The following ASXL2 variants were observed in gnomAD, a reference collection of about 807,000 sequenced individuals.
The protein encoded by ASXL2 is ASXL transcriptional regulator 2, also known as putative Polycomb group protein ASXL2.
ASXL2 carries 23 observed loss-of-function variants against 122.0 expected under a neutral mutation model. The ratio of observed to expected loss-of-function variants is 0.19; its 90% CI spans 0.14 to 0.27. The LOEUF is 0.27. Among genes scored for constraint, ASXL2 ranks in the 10% least tolerant of loss-of-function variants. The probability of loss-of-function intolerance (pLI) is 1.00; values close to 1 mark genes in which losing one functional copy is unlikely to be tolerated. For synonymous variants in ASXL2, 650 were observed against 637.0 expected, an observed-to-expected ratio of 1.02 and a Z score of -0.31; for missense variants, 1,518 against 1,713.8, an observed-to-expected ratio of 0.89 and a Z score of 2.02.
intron 4 of ASXL2, among the ~76,000 whole-genome samples, chr2:25,802,849 G>A (rs1180871788): frequency 6.6e-6 from 1 of 152,118 alleles, no homozygotes; most frequent in Non-Finnish European, 1.5e-5. Flanking sequence ...AGCTGATCAC[G>A]GCTGGGTGCG....
At chr2:25,852,507 T>C (rs755219020) in intron 1 of ASXL2, among the ~76,000 whole-genome samples, 5 of 152,218 alleles carry the variant, frequency 3.3e-5, no homozygotes, top group Non-Finnish European at 5.9e-5. Flanking sequence ...TCCAAATAAG[T>C]AACACAGTGA....
At chr2:25,773,558 C>T (rs928558260) in intron 5 of ASXL2, among the ~76,000 whole-genome samples, 1 of 150,200 alleles carries the variant, frequency 6.7e-6, no homozygotes, top group Non-Finnish European at 1.5e-5. Context: ...CCCAGCTACT[C>T]AGGAGACTGA....
intron 5 of ASXL2, among the ~76,000 whole-genome samples, chr2:25,772,808 C>T (rs967090632): frequency 6.7e-6 from 1 of 148,990 alleles, no homozygotes; most frequent in African/African-American, 2.5e-5. Context: ...AGAAGCATAG[C>T]TCATTGGAGT....
rs1022937213 is a variant in ASXL2, at chr2:25,787,069, T to C, written c.403+12316A>G. 2.0e-5 allele frequency among the ~76,000 whole-genome samples: 3 copies of C among 152,110 alleles called. No individual in the cohort carries two copies. The East Asian group carries it at 5.8e-4, about 29-fold the overall frequency. On this transcript the variant is annotated intron_variant, in intron 5 of 12. Transcript: ENST00000435504. ...TCATAAAACTATGTATAAACTAATA[T>C]ATTTTAAAAATTAATTTTGCAATGT... is the stretch of plus-strand genomic sequence containing the variant.
chr2:25,828,515 A>AG (rs2089405959), intron 3 of ASXL2, among the ~76,000 whole-genome samples: 1 of 147,996 alleles, frequency 6.8e-6, no homozygotes, highest in Admixed American at 6.7e-5. Flanking sequence ...TTTCAAAAAA[A>AG]AAAAATAAAA....
At chr2:25,815,099 T>C (rs1319650302) in intron 3 of ASXL2, among the ~76,000 whole-genome samples, 2 of 152,174 alleles carry the variant, frequency 1.3e-5, no homozygotes, top group Admixed American at 6.5e-5. Flanking sequence ...TCTCAAGTGA[T>C]AGGAATCTCA....
intron 5 of ASXL2, among the ~76,000 whole-genome samples, chr2:25,782,397 T>G (rs2088658729): frequency 6.6e-6 from 1 of 151,676 alleles, no homozygotes; most frequent in Non-Finnish European, 1.5e-5. Flanking sequence ...ATATAGAAAA[T>G]TAGCCGGGCG....
chr2:25,863,556 G>A (rs1574454151), intron 1 of ASXL2, among the ~76,000 whole-genome samples: 1 of 151,546 alleles, frequency 6.6e-6, no homozygotes, highest in Non-Finnish European at 1.5e-5. Flanking sequence ...AGCCAGGCGT[G>A]GTGGCAGGCA....
chr2:25,754,888 A>C (rs1290353356), intron 10 of ASXL2, among the ~76,000 whole-genome samples: 1 of 152,168 alleles, frequency 6.6e-6, no homozygotes, highest in Admixed American at 6.5e-5. Flanking sequence ...AGGACAAAGT[A>C]ATCAGAGCAA....
chr2:25,803,688 A>G (rs2089032929), intron 4 of ASXL2, among the ~76,000 whole-genome samples: 1 of 152,214 alleles, frequency 6.6e-6, no homozygotes. Flanking sequence ...TACAGAGTGC[A>G]TGACCTAGAT....
chr2:25,805,970 C>G (rs754467932), intron 4 of ASXL2, among the ~76,000 whole-genome samples: 7 of 152,142 alleles, frequency 4.6e-5, no homozygotes, highest in Admixed American at 1.3e-4. Flanking sequence ...AGCCACCACG[C>G]CTGGCCATAA....
At position 25,856,580 on chromosome 2, in the gene ASXL2, G is replaced by A. The variant is rs570527334; in HGVS notation, c.58-11017C>T. The A allele has an allele frequency of 1.8e-4, 210 of 1,174,478 alleles. 1 individual carries two copies. In the South Asian group the frequency reaches 1.9e-3, roughly 11 times the overall value. The allele number at this position is 1,174,478 out of a possible 1,614,324, so 72.8% of individuals were successfully genotyped here. On this transcript the variant is annotated intron_variant, in intron 1 of 12. Transcript: ENST00000435504. ...CCAGACGCTCCAAGGGGTAGGGGGCGCCAGTCTTGATCTGTCCTGTGCAGA... is the reference window on the plus strand; with the variant it reads ...CCAGACGCTCCAAGGGGTAGGGGGCACCAGTCTTGATCTGTCCTGTGCAGA...
intron 5 of ASXL2, among the ~76,000 whole-genome samples, chr2:25,783,637 C>G: frequency 6.6e-6 from 1 of 151,900 alleles, no homozygotes; most frequent in South Asian, 2.1e-4. Context: ...GTATTATAAA[C>G]TGCCTTCCAG....
chr2:25,868,914 C>T (rs957998869), intron 1 of ASXL2, among the ~76,000 whole-genome samples: 2 of 152,040 alleles, frequency 1.3e-5, no homozygotes, highest in African/African-American at 2.4e-5. Flanking sequence ...TCTGTAATCC[C>T]AGCACCTTGG....
At chr2:25,817,777 C>T (rs1405845147) in intron 3 of ASXL2, among the ~76,000 whole-genome samples, 1 of 152,136 alleles carries the variant, frequency 6.6e-6, no homozygotes, top group Non-Finnish European at 1.5e-5. Context: ...TAAAAAGACA[C>T]ACTGAATAGC....
intron 5 of ASXL2, among the ~76,000 whole-genome samples, chr2:25,778,056 C>G (rs527758923): frequency 1.6e-4 from 24 of 152,224 alleles, no homozygotes; most frequent in African/African-American, 5.5e-4. Context: ...AGGAGCACAG[C>G]CAAGATTTGA....
chr2:25,856,492 C>G, intron 1 of ASXL2: 1 of 1,053,434 alleles, frequency 9.5e-7, no homozygotes, highest in Non-Finnish European at 1.4e-6. Context: ...GAACTTGTAT[C>G]CAGCAAAGAC....
chr2:25,855,882 C>CATTT (rs147256555), intron 1 of ASXL2, among the ~76,000 whole-genome samples: 1,709 of 142,512 alleles, frequency 0.012, 15 homozygotes, highest in African/African-American at 0.021. Context: ...CTTGATAATG[C>CATTT]ATTTATTTAT....
intron 3 of ASXL2, among the ~76,000 whole-genome samples, chr2:25,828,184 G>C (rs1480442573): frequency 6.6e-6 from 1 of 152,140 alleles, no homozygotes; most frequent in Non-Finnish European, 1.5e-5. Flanking sequence ...TTCACCTAAA[G>C]AGAAATAAGA....
Sources: gnomAD v4.1 joint callset for allele counts (sites outside exome capture counted in the v4.1 genomes callset) on GRCh38, gnomAD v4.1.1 for gene constraint, MANE v1.5 for transcripts, NCBI Gene and HGNC (gene_info 2026-07-23, HGNC 2026-07-21) for gene names.